RAP1GAP: variants seen among roughly 807,000 people sequenced by gnomAD.
RAP1GAP encodes the protein RAP1 GTPase activating protein.
In RAP1GAP, 35 loss-of-function variants were observed where a neutral mutation model predicts 87.2. The observed-to-expected ratio is 0.40, with a 90% CI of 0.31 to 0.53. The LOEUF is 0.53. Among genes scored for constraint, RAP1GAP ranks in the 20% least tolerant of loss-of-function variants. RAP1GAP has a pLI of 0.48. For missense variants in RAP1GAP, 734 were observed against 898.9 expected, an observed-to-expected ratio of 0.82 and a Z score of 2.35; for synonymous variants, 375 against 363.9, an observed-to-expected ratio of 1.03 and a Z score of -0.35.
At chr1:21,608,070 A>C (rs1570578584) in intron 17 of RAP1GAP, 143 bp downstream of exon 17, 8 of 1,214,870 alleles carry the variant, frequency 6.6e-6, no homozygotes, top group Non-Finnish European at 9.0e-6. Flanking sequence ...TCAATCCCCC[A>C]GTCCGGGACT....
intron 13 of RAP1GAP, 123 bp downstream of exon 13, chr1:21,611,329 C>T (rs1558667468): frequency 3.0e-6 from 4 of 1,338,266 alleles, no homozygotes; most frequent in African/African-American, 1.5e-5. Context: ...CAAGTGGGGG[C>T]GCTGATCATT....
intron 1 of RAP1GAP, among the ~76,000 whole-genome samples, chr1:21,657,928 C>G (rs1285489713): frequency 6.6e-6 from 1 of 152,198 alleles, no homozygotes. Flanking sequence ...CGACAAGGCC[C>G]TCATTGAGGC....
At position 21,622,284 on chromosome 1, in the gene RAP1GAP, CG is replaced by C; in HGVS notation, c.-18-2235del. 2.1e-6 allele frequency: 1 copy of C among 481,352 alleles called. No individual in the cohort carries two copies. The highest frequency in any genetic ancestry group is 3.7e-6 in the Non-Finnish European group (1 of 270,752). The allele number at this position is 481,352 out of a possible 1,614,324, so 29.8% of individuals were successfully genotyped here. ...AGAGCCGGCCGGGCTCCCCAGCAGT[CG>C]GGGTGACCCAGCCCCGGGGTCCCTC... On this transcript the variant is annotated intron_variant, in intron 3 of 24. Transcript: ENST00000374765. This position sits in a 1 kb window ranked among gnomAD's most constrained non-coding sequence, Gnocchi z 5.7.
Position 21,638,148 on chromosome 1 carries a change from T to TA in RAP1GAP, c.-113+11612dup, listed in dbSNP as rs34068902. Among the ~76,000 whole-genome samples the TA allele has an allele frequency of 5.1e-3, 603 of 117,460 alleles. 1 individual carries two copies. The highest frequency in any genetic ancestry group is 0.016 in the African/African-American group (467 of 28,666). The allele number at this position is 117,460 out of a possible 152,430, so 77.1% of individuals were successfully genotyped here. A position where few individuals can be genotyped will look rare whatever the true frequency, so the allele number is the denominator to read the frequency against. ...CCTGAGTAACAGAGCAAGATCCTAT[T>TA]AAAAAAAAAAAAAAGAAAAGAAAAA... On this transcript the variant is annotated intron_variant, in intron 2 of 24. Coordinates refer to ENST00000374765, the MANE Select transcript of RAP1GAP (RefSeq NM_002885.4).
At chr1:21,617,173 G>A in intron 7 of RAP1GAP, 133 bp downstream of exon 7, 2 of 984,436 alleles carry the variant, frequency 2.0e-6, no homozygotes, top group Non-Finnish European at 3.0e-6. Flanking sequence ...TGTGGTGGGA[G>A]CACATTCACT....
rs1204065451 is a variant in RAP1GAP at position 21,615,910 on chromosome 1, G to T, written c.291+1396C>A. Among the ~76,000 whole-genome samples, 1 of 152,104 alleles carries T rather than the reference G, an allele frequency of 6.6e-6. No individual in the cohort carries two copies. Among genetic ancestry groups the T allele is most frequent in the African/African-American group, 2.4e-5 (1 of 41,406 alleles). On this transcript the variant is annotated intron_variant, in intron 7 of 24. Coordinates refer to ENST00000374765, the MANE Select transcript of RAP1GAP (RefSeq NM_002885.4). This position sits in a 1 kb window ranked among gnomAD's most constrained non-coding sequence, Gnocchi z 4.5. ...AGCAGGTGCCTAGGATGCAGGTCTC[G>T]CTCCACCTCTAGGGCTCAGCTGGGA... is the stretch of plus-strand genomic sequence containing the variant.
chr1:21,651,709 C>T, intron 1 of RAP1GAP: 1 of 1,432,198 alleles, frequency 7.0e-7, no homozygotes, highest in Non-Finnish European at 9.4e-7. Flanking sequence ...ACACCCCGCA[C>T]GGGCTCCCCC....
intron 2 of RAP1GAP, among the ~76,000 whole-genome samples, chr1:21,646,769 C>T (rs1397418794): frequency 6.6e-6 from 1 of 152,168 alleles, no homozygotes; most frequent in Non-Finnish European, 1.5e-5. Context: ...TATCTGGGTC[C>T]CTTAGGGCTG....
chr1:21,608,187 G>A, intron 17 of RAP1GAP, 26 bp downstream of exon 17: 1 of 1,611,016 alleles, frequency 6.2e-7, no homozygotes, highest in Non-Finnish European at 8.5e-7. Context: ...CCTGCTCCCC[G>A]GCCAGTTAGA....
Position 21,599,643 on chromosome 1 carries a change from C to T in RAP1GAP, c.1653-26G>A, listed in dbSNP as rs372710532. 1.1e-4 allele frequency: 181 copies of T among 1,591,754 alleles called. No individual in the cohort carries two copies. The African/African-American group carries it at 1.8e-3, about 16-fold the overall frequency. ...CTGCCACAGACAGTGCCCCATTAGC[C>T]GGTGTCCACCCCGAGCCCCTCCTGG... On this transcript the variant is annotated intron_variant, in intron 20 of 24. Transcript: ENST00000374765.
chr1:21,636,910 AAGGAAGGG>A (rs1423428075), intron 2 of RAP1GAP, among the ~76,000 whole-genome samples: 15 of 117,454 alleles, frequency 1.3e-4, no homozygotes, highest in East Asian at 2.9e-4. Context: ...GGAGGGAAGG[AAGGAAGGG>A]AGGGAGGGAG....
At chr1:21,598,841 T>A (rs1646869965) in intron 21 of RAP1GAP, among the ~76,000 whole-genome samples, 1 of 152,238 alleles carries the variant, frequency 6.6e-6, no homozygotes, top group Non-Finnish European at 1.5e-5. Flanking sequence ...ACCATTGCAA[T>A]TCTAGACTCT....
Position 21,611,825 on chromosome 1 carries a change from G to C in RAP1GAP, c.613-9C>G. 2 of 1,600,776 alleles carry C rather than the reference G, an allele frequency of 1.2e-6. No homozygotes were observed. Among genetic ancestry groups the C allele is most frequent in the African/African-American group, 2.7e-5 (2 of 74,722 alleles). On this transcript the variant is annotated splice_polypyrimidine_tract_variant and intron_variant, in intron 11 of 24. Transcript: ENST00000374765. ...AGTTCTTCCTCGGAGGTCTGGGGATGAGGGGCCAAGGTCATTGAGCTGGAG... is the reference window on the plus strand; with the variant it reads ...AGTTCTTCCTCGGAGGTCTGGGGATCAGGGGCCAAGGTCATTGAGCTGGAG...
chr1:21,649,515 A>G (rs755130592), intron 2 of RAP1GAP, among the ~76,000 whole-genome samples: 14 of 152,196 alleles, frequency 9.2e-5, no homozygotes, highest in Non-Finnish European at 1.9e-4. Flanking sequence ...AGAGACATTA[A>G]GGAATTGCTG....
At chr1:21,640,402 G>C (rs1249501996) in intron 2 of RAP1GAP, among the ~76,000 whole-genome samples, 1 of 152,174 alleles carries the variant, frequency 6.6e-6, no homozygotes, top group Admixed American at 6.5e-5. Context: ...TAGAAATGGG[G>C]TTTCTTCAGG....
intron 1 of RAP1GAP, among the ~76,000 whole-genome samples, chr1:21,651,125 A>G (rs1056570053): frequency 6.6e-6 from 1 of 152,052 alleles, no homozygotes; most frequent in Non-Finnish European, 1.5e-5. Flanking sequence ...CCACCTCTGC[A>G]CCCCTTGACC....
intron 2 of RAP1GAP, among the ~76,000 whole-genome samples, chr1:21,629,706 C>T (rs16825734): frequency 1.3e-5 from 2 of 152,182 alleles, no homozygotes; most frequent in East Asian, 3.8e-4. Context: ...GACAAAGCCA[C>T]GTCCTGCCGG....
intron 13 of RAP1GAP, among the ~76,000 whole-genome samples, chr1:21,610,724 T>G (rs947689772): frequency 6.6e-6 from 1 of 152,174 alleles, no homozygotes; most frequent in African/African-American, 2.4e-5. Context: ...CTCTCAGCCC[T>G]TCTCCTATCT....
chr1:21,611,973 G>A (rs368204053), intron 11 of RAP1GAP, 53 bp downstream of exon 11: 4 of 1,492,210 alleles, frequency 2.7e-6, no homozygotes, highest in Non-Finnish European at 3.7e-6. Context: ...AAGGTGTGAG[G>A]CTCCAGATAT....
Sources: allele counts gnomAD v4.1 joint callset (sites outside exome capture counted in the v4.1 genomes callset), GRCh38; gene constraint gnomAD v4.1.1; non-coding constraint Gnocchi (gnomAD v3.1); transcripts MANE v1.5; gene names NCBI Gene and HGNC (gene_info 2026-07-23, HGNC 2026-07-21).